The following ROBO1 variants were observed in gnomAD, a reference collection of about 807,000 sequenced individuals.
The protein encoded by ROBO1 is roundabout guidance receptor 1.
In ROBO1, 149 loss-of-function variants were observed where a neutral mutation model predicts 195.9. That is an observed-to-expected ratio of 0.76 (90% CI 0.67 to 0.87). The LOEUF is 0.87. Among genes scored for constraint, ROBO1 ranks in the 40% least tolerant of loss-of-function variants. The probability of loss-of-function intolerance (pLI) is 0.00; values close to 1 mark genes in which losing one functional copy is unlikely to be tolerated. For synonymous variants in ROBO1, 816 were observed against 733.2 expected, an observed-to-expected ratio of 1.11 and a Z score of -1.82; for missense variants, 1,933 against 2,068.3, an observed-to-expected ratio of 0.93 and a Z score of 1.27.
chr3:79,206,846 T>C (rs964915165), intron 2 of ROBO1, among the ~76,000 whole-genome samples: 12 of 152,188 alleles, frequency 7.9e-5, no homozygotes, highest in Non-Finnish European at 1.6e-4. Context: ...TTTAACCATG[T>C]TATAAAACTA....
At chr3:79,701,341 G>GT (rs1174816237) in intron 1 of ROBO1, among the ~76,000 whole-genome samples, 2 of 151,578 alleles carry the variant, frequency 1.3e-5, no homozygotes, top group Admixed American at 1.3e-4. Flanking sequence ...TTTTAAGATA[G>GT]TTTTTTCTAG....
intron 4 of ROBO1, among the ~76,000 whole-genome samples, chr3:78,785,399 C>G (rs2083802988): frequency 6.6e-6 from 1 of 152,172 alleles, no homozygotes; most frequent in Admixed American, 6.5e-5. Context: ...AACTTACTAC[C>G]TACCCATACA....
chr3:79,611,678 G>C (rs1944662364), intron 1 of ROBO1, among the ~76,000 whole-genome samples: 1 of 152,074 alleles, frequency 6.6e-6, no homozygotes, highest in Non-Finnish European at 1.5e-5. Flanking sequence ...ATAAGTAGCA[G>C]TTGAACAATG....
intron 2 of ROBO1, among the ~76,000 whole-genome samples, chr3:79,361,449 C>G (rs2035766284): frequency 1.3e-5 from 2 of 151,850 alleles, no homozygotes; most frequent in African/African-American, 2.4e-5. Context: ...TTTTGCATAA[C>G]CAGAGCCCAT....
chr3:79,163,941 T>C (rs2081017689), intron 2 of ROBO1, among the ~76,000 whole-genome samples: 1 of 152,152 alleles, frequency 6.6e-6, no homozygotes, highest in Admixed American at 6.5e-5. Context: ...ACAAATGGCA[T>C]TAGTATGGTA....
Position 79,306,917 on chromosome 3 carries a change from C to A in ROBO1, c.89-181378G>T, listed in dbSNP as rs533238130. ...GACAGATAGCTCAATATTTATGATG[C>A]CAGATTATTCAAGGGGAAATCTGTC... On this transcript the variant is annotated intron_variant, in intron 2 of 30. Coordinates refer to ENST00000464233, the MANE Select transcript of ROBO1 (RefSeq NM_002941.4). Among the ~76,000 whole-genome samples, 60 of 152,212 alleles carry A rather than the reference C, an allele frequency of 3.9e-4. 1 individual carries two copies. The highest frequency in any genetic ancestry group is 1.4e-3 in the African/African-American group (59 of 41,514).
intron 4 of ROBO1, among the ~76,000 whole-genome samples, chr3:78,878,299 A>G (rs2035971001): frequency 6.6e-6 from 1 of 152,050 alleles, no homozygotes; most frequent in Non-Finnish European, 1.5e-5. Context: ...ATTTTAAAAT[A>G]CTGCAGCCAG....
intron 2 of ROBO1, among the ~76,000 whole-genome samples, chr3:79,200,827 A>G (rs1305856285): frequency 6.6e-6 from 1 of 151,974 alleles, no homozygotes; most frequent in African/African-American, 2.4e-5. Context: ...TTTTTAAAAA[A>G]TCTTTTGTAG....
intron 2 of ROBO1, among the ~76,000 whole-genome samples, chr3:79,374,182 G>A (rs982342820): frequency 1.3e-5 from 2 of 152,224 alleles, no homozygotes; most frequent in Admixed American, 1.3e-4. Flanking sequence ...AGTGTATAGA[G>A]GCTGGTGTTT....
chr3:78,789,176 A>G (rs1047110329), intron 4 of ROBO1, among the ~76,000 whole-genome samples: 4 of 152,236 alleles, frequency 2.6e-5, no homozygotes, highest in Non-Finnish European at 5.9e-5. Context: ...AAATTCAACA[A>G]GTCATCACTG....
rs964047175 is a variant in ROBO1 at position 78,846,812 on chromosome 3, C to A, written c.499+91789G>T. ...ATATAAGTGGTGTACTTTTAAAGAA[C>A]CTTTCTGTGGTTTTCCAAAAGCATT... On this transcript the variant is annotated intron_variant, in intron 4 of 30. Coordinates refer to ENST00000464233, the MANE Select transcript of ROBO1 (RefSeq NM_002941.4). 3.9e-5 allele frequency among the ~76,000 whole-genome samples: 6 copies of A among 152,060 alleles called. No homozygotes were observed. The South Asian group carries it at 6.2e-4, about 16-fold the overall frequency.
intron 2 of ROBO1, among the ~76,000 whole-genome samples, chr3:79,342,800 A>C (rs181725018): frequency 1.3e-5 from 2 of 152,188 alleles, no homozygotes; most frequent in African/African-American, 4.8e-5. Context: ...CCCAGTATCA[A>C]CATCCCTTAT....
At chr3:79,731,584 A>G (rs970976938) in intron 1 of ROBO1, among the ~76,000 whole-genome samples, 5 of 152,164 alleles carry the variant, frequency 3.3e-5, no homozygotes, top group South Asian at 2.1e-4. Flanking sequence ...AATTCCTGCC[A>G]TATTCAAAAA....
At chr3:79,719,200 A>T (rs1288802769) in intron 1 of ROBO1, among the ~76,000 whole-genome samples, 4 of 152,082 alleles carry the variant, frequency 2.6e-5, no homozygotes, top group African/African-American at 9.7e-5. Flanking sequence ...ATAGAATAAA[A>T]GTAGAAAAAT....
intron 2 of ROBO1, among the ~76,000 whole-genome samples, chr3:79,522,992 G>T (rs1487560539): frequency 6.6e-6 from 1 of 152,084 alleles, no homozygotes; most frequent in Non-Finnish European, 1.5e-5. Context: ...AAGCATTTAT[G>T]AAGTGCATGT....
intron 4 of ROBO1, among the ~76,000 whole-genome samples, chr3:78,838,909 A>C (rs956499161): frequency 6.6e-5 from 10 of 152,152 alleles, no homozygotes; most frequent in Non-Finnish European, 7.4e-5. Context: ...TCTTAGATTA[A>C]ACCTGGCACT....
At chr3:79,744,958 A>C (rs1289358229) in intron 1 of ROBO1, among the ~76,000 whole-genome samples, 1 of 152,078 alleles carries the variant, frequency 6.6e-6, no homozygotes, top group African/African-American at 2.4e-5. Context: ...TGAATGCTTT[A>C]AATGCCTATT....
chr3:79,226,300 A>G (rs1361776795), intron 2 of ROBO1, among the ~76,000 whole-genome samples: 1 of 152,042 alleles, frequency 6.6e-6, no homozygotes, highest in Non-Finnish European at 1.5e-5. Context: ...ATGTCACACA[A>G]CAAGGCACAC....
chr3:79,129,489 C>T (rs992243924), intron 2 of ROBO1, among the ~76,000 whole-genome samples: 11 of 152,000 alleles, frequency 7.2e-5, no homozygotes, highest in African/African-American at 2.7e-4. Flanking sequence ...CAGTCTTTCA[C>T]ATATATAATA....
Sources: allele counts gnomAD v4.1 joint callset (sites outside exome capture counted in the v4.1 genomes callset), GRCh38; gene constraint gnomAD v4.1.1; transcripts MANE v1.5; gene names NCBI Gene and HGNC (gene_info 2026-07-23, HGNC 2026-07-21).